The following SERPINB12 variants were observed in gnomAD, a reference collection of about 807,000 sequenced individuals.
The protein encoded by SERPINB12 is serpin B12.
SERPINB12 carries 57 observed loss-of-function variants against 41.1 expected under a neutral mutation model. The observed-to-expected ratio is 1.39, with a 90% CI of 1.12 to 1.73. The LOEUF (loss-of-function observed/expected upper bound fraction) is 1.73, where lower values mean the gene tolerates loss of function less well. Ranked by LOEUF, SERPINB12 falls within the 40% of genes most tolerant of loss-of-function variation. SERPINB12 has a pLI of 0.00. For synonymous variants in SERPINB12, 180 were observed against 181.3 expected, an observed-to-expected ratio of 0.99 and a Z score of 0.06; for missense variants, 536 against 501.9, an observed-to-expected ratio of 1.07 and a Z score of -0.65.
chr18:63,566,898 G>C lies in SERPINB12; in HGVS notation c.1165G>C (p.Glu389Gln). 6.2e-7 allele frequency: 1 copy of C among 1,614,192 alleles called. No individual in the cohort carries two copies. Among genetic ancestry groups the C allele is most frequent in the Non-Finnish European group, 8.5e-7 (1 of 1,180,026 alleles). Residue 389 changes from glutamate (E) to glutamine (Q), a missense_variant, in exon 8 of 8, where the codon GAA becomes CAA. Glu to Gln is a conservative substitution (Grantham distance 29, BLOSUM62 2). Coordinates refer to ENST00000382768, the MANE Select transcript of SERPINB12 (RefSeq NM_001307928.2). Reference protein sequence around the residue: ...AAAATGAVVSERSLRSWVEFN... With the variant: ...AAAATGAVVSQRSLRSWVEFN... ...TGCAGCCACTGGGGCTGTTGTCTCGGAAAGGTCACTACGATCTTGGGTGGA... is the reference window on the plus strand; with the variant it reads ...TGCAGCCACTGGGGCTGTTGTCTCGCAAAGGTCACTACGATCTTGGGTGGA...
chr18:63,561,436 T>C (rs1050719633), intron 5 of SERPINB12, among the ~76,000 whole-genome samples: 2 of 152,216 alleles, frequency 1.3e-5, no homozygotes, highest in African/African-American at 4.8e-5. Context: ...GGAACACTTA[T>C]ACACTATTGG....
intron 1 of SERPINB12, among the ~76,000 whole-genome samples, chr18:63,554,552 A>G (rs768617577): frequency 2.0e-5 from 3 of 152,220 alleles, no homozygotes; most frequent in African/African-American, 4.8e-5. Flanking sequence ...TTACATTTCT[A>G]TCTTGGAAAT....
At chr18:63,542,142 A>G (rs886294832), upstream of SERPINB12, among the ~76,000 whole-genome samples, 2 of 152,154 alleles carry the variant, frequency 1.3e-5, no homozygotes, top group African/African-American at 4.8e-5. Flanking sequence ...CTTCCTCTTT[A>G]CTAAGGCTCT....
chr18:63,545,949 A>G (rs756414651), intron 1 of SERPINB12, among the ~76,000 whole-genome samples: 4 of 152,200 alleles, frequency 2.6e-5, no homozygotes, highest in African/African-American at 4.8e-5. Context: ...TTTCTTTTCT[A>G]TGCTTACTAT....
In SERPINB12 at chr18:63,556,249, C is replaced by A; in HGVS notation, c.90C>A (p.Phe30Leu). 1.2e-6 allele frequency: 2 copies of A among 1,613,938 alleles called. No homozygotes were observed. The highest frequency in any genetic ancestry group is 1.3e-5 in the African/African-American group (1 of 74,992). ...ATGATCGTCATAAAAACATATTTTT[C>A]TCTCCCCTGAGCCTCTCAGCTGCCC... is the stretch of plus-strand genomic sequence containing the variant. ...GKDDRHKNIF[F>L]SPLSLSAALG... Residue 30 changes from phenylalanine (F) to leucine (L), a missense_variant, in exon 2 of 8, where the codon TTC (phenylalanine) becomes TTA (leucine). Physicochemically the swap from Phe to Leu is conservative, Grantham distance 22. Transcript: ENST00000382768.
the SERPINB12 span, among the ~76,000 whole-genome samples, chr18:63,535,060 G>A: frequency 3.3e-5 from 5 of 152,084 alleles, no homozygotes; most frequent in Non-Finnish European, 5.9e-5. Context: ...ATTGCTAATG[G>A]TTTATGGATT....
chr18:63,548,473 T>C (rs1599414485), intron 1 of SERPINB12, among the ~76,000 whole-genome samples: 2 of 152,086 alleles, frequency 1.3e-5, no homozygotes, highest in South Asian at 4.2e-4. Context: ...CCAGAAAATA[T>C]TGACAATTTT....
intron 1 of SERPINB12, among the ~76,000 whole-genome samples, chr18:63,543,259 T>C (rs944005021): frequency 1.3e-5 from 2 of 152,216 alleles, no homozygotes; most frequent in Non-Finnish European, 2.9e-5. Context: ...TCCTATTGCA[T>C]GAGGCATCAT....
chr18:63,534,314 C>CA, the SERPINB12 span, among the ~76,000 whole-genome samples: 1 of 151,920 alleles, frequency 6.6e-6, no homozygotes, highest in African/African-American at 2.4e-5. Flanking sequence ...CAAAACAAAA[C>CA]AAAAAAACAC....
In SERPINB12 at chr18:63,565,464, AGAT is replaced by A. The variant is rs1457057467; in HGVS notation, c.731_733del (p.Met244del). The A allele has an allele frequency of 1.9e-6, 3 of 1,613,582 alleles. No homozygotes were observed. In the African/African-American group the frequency reaches 4.0e-5, roughly 22 times the overall value. On this transcript the variant is annotated inframe_deletion, in exon 7 of 8. Transcript: ENST00000382768. ...CTACAGAATGAAAACAAGAGTGTGA[AGAT>A]GATGACGCAAAAAGGCCTCTACAGA...
chr18:63,526,793 G>C, the SERPINB12 span, among the ~76,000 whole-genome samples: 1 of 152,090 alleles, frequency 6.6e-6, no homozygotes, highest in Non-Finnish European at 1.5e-5. Context: ...TAATGATGAG[G>C]ATACATTCTG....
the SERPINB12 span, among the ~76,000 whole-genome samples, chr18:63,521,140 G>T: frequency 6.0e-4 from 92 of 152,308 alleles, no homozygotes; most frequent in African/African-American, 2.1e-3. Flanking sequence ...TTTGTGCAAA[G>T]TTATGGCTTT....
At chr18:63,533,811 G>A in the SERPINB12 span, among the ~76,000 whole-genome samples, 1 of 152,168 alleles carries the variant, frequency 6.6e-6, no homozygotes, top group Non-Finnish European at 1.5e-5. Context: ...GTGCATGTGG[G>A]AAATAAACAT....
At chr18:63,544,806 A>G (rs925712053) in intron 1 of SERPINB12, among the ~76,000 whole-genome samples, 1 of 152,208 alleles carries the variant, frequency 6.6e-6, no homozygotes, top group African/African-American at 2.4e-5. Flanking sequence ...TTTGGAGGAT[A>G]CAAGATAAAC....
At position 63,565,631 on chromosome 18, in the gene SERPINB12, A is replaced by G; in HGVS notation, c.873+19A>G. 1.2e-5 allele frequency: 19 copies of G among 1,596,940 alleles called. No homozygotes were observed. The highest frequency in any genetic ancestry group is 1.5e-5 in the Non-Finnish European group (18 of 1,171,776). ...GGAAGAGGTAAATCTTCATTTCCAC[A>G]TCTCTACAAAATATTTAATGATAGA... On this transcript the variant is annotated intron_variant, in intron 7 of 7. Transcript: ENST00000382768.
At chr18:63,564,839 A>T (rs553360751) in intron 6 of SERPINB12, among the ~76,000 whole-genome samples, 1 of 152,256 alleles carries the variant, frequency 6.6e-6, no homozygotes, top group African/African-American at 2.4e-5. Flanking sequence ...CTGACTTAAC[A>T]GTGGAGATGC....
upstream of SERPINB12, among the ~76,000 whole-genome samples, chr18:63,538,538 C>T (rs1910215809): frequency 6.6e-6 from 1 of 152,060 alleles, no homozygotes; most frequent in Non-Finnish European, 1.5e-5. Context: ...TTTTTAAAGG[C>T]CAAATAATAT....
intron 1 of SERPINB12, among the ~76,000 whole-genome samples, chr18:63,545,663 C>T (rs1407782126): frequency 6.6e-6 from 1 of 152,118 alleles, no homozygotes; most frequent in Non-Finnish European, 1.5e-5. Flanking sequence ...ATATTATCCC[C>T]CAACAGTAAC....
intron 1 of SERPINB12, among the ~76,000 whole-genome samples, chr18:63,555,841 C>G (rs10469141): frequency 3.3e-5 from 5 of 151,928 alleles, no homozygotes; most frequent in Non-Finnish European, 7.4e-5. Flanking sequence ...TGATTTTGGA[C>G]GTTTGTCCCC....
Sources: gnomAD v4.1 joint callset for allele counts (sites outside exome capture counted in the v4.1 genomes callset) on GRCh38, gnomAD v4.1.1 for gene constraint, MANE v1.5 for transcripts, NCBI Gene and HGNC (gene_info 2026-07-23, HGNC 2026-07-21) for gene names.